The following MAP2K5 variants were observed in gnomAD, a reference collection of about 807,000 sequenced individuals.
MAP2K5 encodes dual specificity mitogen-activated protein kinase kinase 5.
In MAP2K5, 49 loss-of-function variants were observed where a neutral mutation model predicts 83.1. The observed-to-expected ratio is 0.59, with a 90% CI of 0.47 to 0.75. MAP2K5 has a LOEUF of 0.75. MAP2K5 is among the 30% of genes least tolerant of loss of function. The pLI is 0.00. For missense variants in MAP2K5, 457 were observed against 557.5 expected (o/e 0.82, Z 1.82); for synonymous variants, 202 against 191.8 (o/e 1.05, Z -0.44).
chr15:67,694,152 A>C (rs2088186343), intron 15 of MAP2K5, among the ~76,000 whole-genome samples: 1 of 152,192 alleles, frequency 6.6e-6, no homozygotes, highest in Admixed American at 6.5e-5. Context: ...AGGCTGTTTC[A>C]AAGACCAGTG....
chr15:67,774,179 G>A lies in MAP2K5; in HGVS notation c.1242+1427G>A, dbSNP rs1179666211. 6.6e-6 allele frequency among the ~76,000 whole-genome samples: 1 copy of A among 150,440 alleles called. No individual in the cohort carries two copies. Among genetic ancestry groups the A allele is most frequent in the Non-Finnish European group, 1.5e-5 (1 of 67,614 alleles). ...GTGATGTGTGTGTATGTGTGTGTGTGTGTGTGTGTGTGTGTGTGTGTGTGA... is the reference window on the plus strand; with the variant it reads ...GTGATGTGTGTGTATGTGTGTGTGTATGTGTGTGTGTGTGTGTGTGTGTGA... On this transcript the variant is annotated intron_variant, in intron 21 of 21. Transcript: ENST00000178640. This position sits in a 1 kb window ranked among gnomAD's most constrained non-coding sequence, Gnocchi z 4.9.
At chr15:67,554,895 A>G (rs776560036) in intron 2 of MAP2K5, among the ~76,000 whole-genome samples, 1 of 152,246 alleles carries the variant, frequency 6.6e-6, no homozygotes, top group Admixed American at 6.5e-5. Context: ...TATTTGTGTT[A>G]TAGCCTGAGC....
chr15:67,778,742 C>T lies in MAP2K5; in HGVS notation c.1242+5990C>T, dbSNP rs942471812. ...GGGGCTCAGATCAATTCAAAATGAT[C>T]ACCACATTCTACTAAACATGCCAAA... On this transcript the variant is annotated intron_variant, in intron 21 of 21. Transcript: ENST00000178640. This position sits in a 1 kb window ranked among gnomAD's most constrained non-coding sequence, Gnocchi z 5.0. Among the ~76,000 whole-genome samples the T allele has an allele frequency of 1.3e-5, 2 of 152,176 alleles. No individual in the cohort carries two copies. The highest frequency in any genetic ancestry group is 3.8e-4 in the East Asian group (2 of 5,198).
In MAP2K5 at chr15:67,757,968, G is replaced by T. The variant is rs1028631821; in HGVS notation, c.1134+9367G>T. Among the ~76,000 whole-genome samples the T allele has an allele frequency of 2.0e-5, 3 of 152,106 alleles. No individual in the cohort carries two copies. Among genetic ancestry groups the T allele is most frequent in the Non-Finnish European group, 4.4e-5 (3 of 68,002 alleles). ...AGCCTTGGAGAGATCTGAGGCCCCT[G>T]CAGGGAGTTCAGTATGGCTGGGGTG... On this transcript the variant is annotated intron_variant, in intron 19 of 21. Coordinates refer to ENST00000178640, the MANE Select transcript of MAP2K5 (RefSeq NM_145160.3). This position sits in a 1 kb window ranked among gnomAD's most constrained non-coding sequence, Gnocchi z 4.9.
Position 67,698,245 on chromosome 15 carries a change from A to T in MAP2K5, c.972+4677A>T, listed in dbSNP as rs2088315407. On this transcript the variant is annotated intron_variant, in intron 15 of 21. Coordinates refer to ENST00000178640, the MANE Select transcript of MAP2K5 (RefSeq NM_145160.3). This position sits in a 1 kb window ranked among gnomAD's most constrained non-coding sequence, Gnocchi z 4.5. Reference sequence around the variant, plus strand: ...CACCCTGTCCCCCAGGCTGGAGTGCAGTGGCGATTGCAGCTCACCGCAACC... The same window carrying T: ...CACCCTGTCCCCCAGGCTGGAGTGCTGTGGCGATTGCAGCTCACCGCAACC... 6.6e-6 allele frequency among the ~76,000 whole-genome samples: 1 copy of T among 151,884 alleles called. No homozygotes were observed. Among genetic ancestry groups the T allele is most frequent in the African/African-American group, 2.4e-5 (1 of 41,344 alleles).
At chr15:67,756,442 T>A (rs1046914484) in intron 19 of MAP2K5, among the ~76,000 whole-genome samples, 1 of 152,084 alleles carries the variant, frequency 6.6e-6, no homozygotes, top group Non-Finnish European at 1.5e-5. Context: ...TACAATGTGA[T>A]GTTTTGATAA....
chr15:67,661,973 C>T (rs961753817), intron 12 of MAP2K5, among the ~76,000 whole-genome samples: 1 of 151,978 alleles, frequency 6.6e-6, no homozygotes, highest in Non-Finnish European at 1.5e-5. Flanking sequence ...ATAAACTTAT[C>T]ATTATTAATA....
intron 16 of MAP2K5, among the ~76,000 whole-genome samples, chr15:67,715,176 T>G (rs560224020): frequency 3.4e-4 from 52 of 152,118 alleles, no homozygotes; most frequent in Admixed American, 9.8e-4. Flanking sequence ...TCCCCTGCTC[T>G]TACTCCCTTT....
At chr15:67,634,129 T>G (rs1030837380) in intron 9 of MAP2K5, among the ~76,000 whole-genome samples, 5 of 151,286 alleles carry the variant, frequency 3.3e-5, no homozygotes, top group African/African-American at 1.2e-4. Context: ...GAGGCTGAGG[T>G]AGGTGGATGA....
chr15:67,752,480 C>G (rs1186591156), intron 19 of MAP2K5, among the ~76,000 whole-genome samples: 3 of 151,810 alleles, frequency 2.0e-5, no homozygotes, highest in South Asian at 2.1e-4. Flanking sequence ...GGGTTCGAGG[C>G]CAGCCTAACC....
chr15:67,612,435 A>G (rs559831475), intron 8 of MAP2K5, among the ~76,000 whole-genome samples: 1 of 152,322 alleles, frequency 6.6e-6, no homozygotes, highest in Non-Finnish European at 1.5e-5. Flanking sequence ...ATTGGGTTTT[A>G]AAGTCCAAAT....
At chr15:67,703,245 G>T in intron 15 of MAP2K5, 92 bp from the exon 16 acceptor site, 1 of 850,938 alleles carries the variant, frequency 1.2e-6, no homozygotes, top group Non-Finnish European at 2.0e-6. Context: ...GCAGATGTTG[G>T]TGGCTCCTCA....
chr15:67,670,987 G>C (rs2087518763), intron 13 of MAP2K5, among the ~76,000 whole-genome samples: 1 of 152,222 alleles, frequency 6.6e-6, no homozygotes, highest in African/African-American at 2.4e-5. Context: ...CAGTTTCTAA[G>C]AAGGAATAAG....
Position 67,646,455 on chromosome 15 carries a change from C to A in MAP2K5, c.722C>A (p.Thr241Lys), listed in dbSNP as rs756798955. 2 of 1,586,182 alleles carry A rather than the reference C, an allele frequency of 1.3e-6. No individual in the cohort carries two copies. Among genetic ancestry groups the A allele is most frequent in the South Asian group, 1.1e-5 (1 of 88,860 alleles). The change falls in exon 11 of 22, where the codon ACA becomes AAA. Residue 241 changes from threonine (T) to lysine (K), a missense_variant. Transcript: ENST00000178640. ...GTAGAAAACAGGATTTCAATATGTACAGAATTCATGGATGGTGAGTTTTCC... is the reference window on the plus strand; with the variant it reads ...GTAGAAAACAGGATTTCAATATGTAAAGAATTCATGGATGGTGAGTTTTCC... ...FFVENRISICTEFMDGGSLDV... is the reference protein window; with the variant it reads ...FFVENRISICKEFMDGGSLDV...
intron 3 of MAP2K5, among the ~76,000 whole-genome samples, chr15:67,571,914 C>T (rs907125713): frequency 1.1e-4 from 16 of 152,250 alleles, no homozygotes; most frequent in African/African-American, 3.6e-4. Context: ...AGTGAGCGTA[C>T]AGTTCATGCC....
At chr15:67,697,842 A>G (rs551253706) in intron 15 of MAP2K5, among the ~76,000 whole-genome samples, 20 of 152,228 alleles carry the variant, frequency 1.3e-4, no homozygotes, top group Admixed American at 3.9e-4. Context: ...CGTAAAATAT[A>G]GAAAAGATAA....
Position 67,801,033 on chromosome 15 carries a change from A to G in MAP2K5, c.1243-5613A>G, listed in dbSNP as rs964303949. Among the ~76,000 whole-genome samples the G allele has an allele frequency of 6.6e-6, 1 of 152,214 alleles. No homozygotes were observed. Among genetic ancestry groups the G allele is most frequent in the African/African-American group, 2.4e-5 (1 of 41,456 alleles). ...AAAACTGTAGCTAAAAATTTTCTTA[A>G]CAGAATTTGAAACCGCTGCAGAGCC... On this transcript the variant is annotated intron_variant, in intron 21 of 21. Coordinates refer to ENST00000178640, the MANE Select transcript of MAP2K5 (RefSeq NM_145160.3). This position sits in a 1 kb window ranked among gnomAD's most constrained non-coding sequence, Gnocchi z 4.8.
chr15:67,795,482 A>G lies in MAP2K5; in HGVS notation c.1243-11164A>G, dbSNP rs535819933. ...TCAATTTCAATTAGGACTTTTTTAC[A>G]CCAAATTATTTAGAAGTATTTTTTA... On this transcript the variant is annotated intron_variant, in intron 21 of 21. Transcript: ENST00000178640. Among the ~76,000 whole-genome samples, 12 of 152,286 alleles carry G rather than the reference A, an allele frequency of 7.9e-5. No homozygotes were observed. In the East Asian group the frequency reaches 1.5e-3, roughly 20 times the overall value.
At position 67,682,373 on chromosome 15, in the gene MAP2K5, G is replaced by A. The variant is rs888681759; in HGVS notation, c.848-10106G>A. Among the ~76,000 whole-genome samples, 5 of 151,746 alleles carry A rather than the reference G, an allele frequency of 3.3e-5. No homozygotes were observed. The South Asian group carries it at 6.2e-4, about 19-fold the overall frequency. ...CAAGTAGCTGGGACTACAGGCACAC[G>A]CCACCACACCCAGCTAATTTTTTGT... is the stretch of plus-strand genomic sequence containing the variant. On this transcript the variant is annotated intron_variant, in intron 13 of 21. Transcript: ENST00000178640.
Sources: gnomAD v4.1 joint callset for allele counts (sites outside exome capture counted in the v4.1 genomes callset) on GRCh38, gnomAD v4.1.1 for gene constraint, Gnocchi (gnomAD v3.1) non-coding constraint, MANE v1.5 for transcripts, NCBI Gene and HGNC (gene_info 2026-07-23, HGNC 2026-07-21) for gene names.